TIAM2: variants seen among roughly 807,000 people sequenced by gnomAD.
TIAM2 encodes rho guanine nucleotide exchange factor TIAM2.
TIAM2 carries 80 observed loss-of-function variants against 152.9 expected under a neutral mutation model. The ratio of observed to expected loss-of-function variants is 0.52; its 90% CI spans 0.44 to 0.63. The LOEUF is 0.63. Among genes scored for constraint, TIAM2 ranks in the 30% least tolerant of loss-of-function variants. The probability of loss-of-function intolerance (pLI) is 0.00; values close to 1 mark genes in which losing one functional copy is unlikely to be tolerated. For synonymous variants in TIAM2, 804 were observed against 838.0 expected, an observed-to-expected ratio of 0.96 and a Z score of 0.70; for missense variants, 1,965 against 2,120.1, an observed-to-expected ratio of 0.93 and a Z score of 1.44.
Position 155,214,673 on chromosome 6 carries a change from A to G in TIAM2, c.3168+3366A>G, listed in dbSNP as rs896010726. Among the ~76,000 whole-genome samples the G allele has an allele frequency of 6.6e-6, 1 of 152,118 alleles. No homozygotes were observed. The highest frequency in any genetic ancestry group is 6.5e-5 in the Admixed American group (1 of 15,280). On this transcript the variant is annotated intron_variant, in intron 15 of 26. Coordinates refer to ENST00000682666, the MANE Select transcript of TIAM2 (RefSeq NM_012454.4). The surrounding 1 kb of genome is among the most constrained non-coding windows in gnomAD (Gnocchi z 5.4). ...ATTTTTAGTCCTTCTACTTTGTTCT[A>G]TCTCTAGTGGGTTATTTAATTTTGG... is the stretch of plus-strand genomic sequence containing the variant.
intron 1 of TIAM2, among the ~76,000 whole-genome samples, chr6:154,999,224 T>TTAATTAA (rs1778272121): frequency 6.6e-6 from 1 of 150,392 alleles, no homozygotes; most frequent in Non-Finnish European, 1.5e-5. Context: ...AATTAATTAA[T>TTAATTAA]TTTTTTGAGA....
At chr6:155,203,480 G>A (rs567394597) in intron 14 of TIAM2, among the ~76,000 whole-genome samples, 30 of 152,272 alleles carry the variant, frequency 2.0e-4, no homozygotes, top group African/African-American at 7.2e-4. Context: ...AATAAAGTAC[G>A]TTATTTTTTC....
chr6:155,135,795 A>G (rs1361023474), intron 4 of TIAM2, among the ~76,000 whole-genome samples: 2 of 152,194 alleles, frequency 1.3e-5, no homozygotes, highest in African/African-American at 4.8e-5. Flanking sequence ...TGTCTTTGAT[A>G]TCTCCAGTAC....
chr6:155,119,656 T>C (rs1315127967), intron 2 of TIAM2, among the ~76,000 whole-genome samples: 1 of 152,242 alleles, frequency 6.6e-6, no homozygotes, highest in East Asian at 1.9e-4. Context: ...ACTTTTCGAA[T>C]GTTTTGGGAC....
At chr6:155,187,758 A>T (rs1781085613) in intron 14 of TIAM2, among the ~76,000 whole-genome samples, 1 of 151,554 alleles carries the variant, frequency 6.6e-6, no homozygotes, top group Admixed American at 6.6e-5. Context: ...TTGTTTTTTT[A>T]GTAGAGACAA....
chr6:155,101,376 C>A (rs1362844330), intron 2 of TIAM2, among the ~76,000 whole-genome samples: 2 of 152,182 alleles, frequency 1.3e-5, no homozygotes, highest in Non-Finnish European at 2.9e-5. Context: ...CCCTCTTCAG[C>A]ACATGAATAT....
chr6:155,029,328 C>A (rs1355351754), intron 1 of TIAM2, among the ~76,000 whole-genome samples: 1 of 106,722 alleles, frequency 9.4e-6, no homozygotes, highest in South Asian at 2.6e-4. Context: ...ACTATATGTA[C>A]TATGTGTTAT....
At chr6:155,100,329 G>T (rs1245292279) in intron 2 of TIAM2, among the ~76,000 whole-genome samples, 1 of 152,238 alleles carries the variant, frequency 6.6e-6, no homozygotes, top group Non-Finnish European at 1.5e-5. Flanking sequence ...GTGTTGCCTT[G>T]TTGAAGATGC....
chr6:155,138,013 A>G (rs1779595766), intron 5 of TIAM2, among the ~76,000 whole-genome samples: 1 of 151,954 alleles, frequency 6.6e-6, no homozygotes, highest in Non-Finnish European at 1.5e-5. Context: ...AGTTTTGTCT[A>G]ATTTTTAGTA....
chr6:155,155,591 T>C (rs1301274331), intron 7 of TIAM2, among the ~76,000 whole-genome samples: 1 of 152,152 alleles, frequency 6.6e-6, no homozygotes, highest in Non-Finnish European at 1.5e-5. Context: ...TCTCCTGCCT[T>C]AGCCTCCTGG....
intron 1 of TIAM2, among the ~76,000 whole-genome samples, chr6:155,038,948 A>T (rs3923845): frequency 0.9 from 126,021 of 139,370 alleles, 57,092 homozygotes; most frequent in Middle Eastern, 0.95. Context: ...GCCTGTGAGC[A>T]TGTCCTTTTT....
chr6:155,113,719 G>C (rs1291577585), intron 2 of TIAM2, among the ~76,000 whole-genome samples: 1 of 151,972 alleles, frequency 6.6e-6, no homozygotes, highest in East Asian at 1.9e-4. Context: ...GCAAGACTCC[G>C]TCTTAAAAAA....
chr6:155,013,917 T>TACAAACAC (rs1778530048), intron 1 of TIAM2: 1 of 145,310 alleles, frequency 6.9e-6, no homozygotes, highest in Admixed American at 6.9e-5. Flanking sequence ...TGTATCTGTC[T>TACAAACAC]ACACACACAC....
At chr6:155,167,704 C>T (rs562401399) in intron 9 of TIAM2, among the ~76,000 whole-genome samples, 1 of 152,080 alleles carries the variant, frequency 6.6e-6, no homozygotes, top group African/African-American at 2.4e-5. Flanking sequence ...CCTATGTTGC[C>T]CAGGCTAGTC....
intron 15 of TIAM2, among the ~76,000 whole-genome samples, chr6:155,224,335 G>A (rs925256321): frequency 6.6e-6 from 1 of 152,180 alleles, no homozygotes; most frequent in Non-Finnish European, 1.5e-5. Context: ...TCAGCTAAGA[G>A]TAGATGTGTG....
chr6:155,027,058 T>C (rs1583156786), intron 1 of TIAM2, among the ~76,000 whole-genome samples: 1 of 151,888 alleles, frequency 6.6e-6, no homozygotes, highest in Non-Finnish European at 1.5e-5. Flanking sequence ...TTTTTTGAGA[T>C]GGAGTCTTGC....
In TIAM2 at chr6:155,190,837, A is replaced by G. The variant is rs891600213; in HGVS notation, c.3064+7337A>G. The stretch of plus-strand genomic sequence containing the variant: ...ACTTTACAGCCTGTTACATAAGGAA[A>G]AGGAAAAAAAAAAAGATCTCACTTT... On this transcript the variant is annotated intron_variant, in intron 14 of 26. Coordinates refer to ENST00000682666, the MANE Select transcript of TIAM2 (RefSeq NM_012454.4). 2.7e-5 allele frequency among the ~76,000 whole-genome samples: 4 copies of G among 147,182 alleles called. No homozygotes were observed. The South Asian group carries it at 8.4e-4, about 31-fold the overall frequency.
rs188453338 is a variant in TIAM2 at position 155,029,727 on chromosome 6, C to T, written c.-209+34235C>T. Among the ~76,000 whole-genome samples the T allele has an allele frequency of 5.0e-3, 686 of 137,006 alleles. 6 individuals are homozygous for T. The highest frequency in any genetic ancestry group is 7.3e-3 in the Non-Finnish European group (478 of 65,664). 89.9% of individuals were successfully genotyped at this position (137,006 alleles called of 152,430 possible). A position where few individuals can be genotyped will look rare whatever the true frequency, so the allele number is the denominator to read the frequency against. On this transcript the variant is annotated intron_variant, in intron 1 of 26. Coordinates refer to ENST00000682666, the MANE Select transcript of TIAM2 (RefSeq NM_012454.4). ...TATAACTATATACAGAGTTATATAA[C>T]TATATAGTATATAACTATATATATA... is the stretch of plus-strand genomic sequence containing the variant.
intron 1 of TIAM2, among the ~76,000 whole-genome samples, chr6:155,021,498 G>C (rs780110888): frequency 5.9e-5 from 9 of 152,134 alleles, no homozygotes; most frequent in African/African-American, 9.7e-5. Context: ...CTGACCTCAT[G>C]TGATCCGCCC....
Sources: gnomAD v4.1 joint callset for allele counts (sites outside exome capture counted in the v4.1 genomes callset) on GRCh38, gnomAD v4.1.1 for gene constraint, Gnocchi (gnomAD v3.1) non-coding constraint, MANE v1.5 for transcripts, NCBI Gene and HGNC (gene_info 2026-07-23, HGNC 2026-07-21) for gene names.